PTPRA: variants seen among roughly 807,000 people sequenced by gnomAD.
The protein encoded by PTPRA is receptor-type tyrosine-protein phosphatase alpha.
A neutral mutation model predicts 104.8 loss-of-function variants in PTPRA; 25 were observed. The observed-to-expected ratio is 0.24, with a 90% CI of 0.17 to 0.33. The LOEUF is 0.33. Among genes scored for constraint, PTPRA ranks in the 10% least tolerant of loss-of-function variants. The pLI is 1.00. For missense variants in PTPRA, 765 were observed against 1,015.3 expected, an observed-to-expected ratio of 0.75 and a Z score of 3.35; for synonymous variants, 323 against 368.9, an observed-to-expected ratio of 0.88 and a Z score of 1.43.
At chr20:2,892,565 A>G (rs2146991568) in intron 1 of PTPRA, among the ~76,000 whole-genome samples, 1 of 152,318 alleles carries the variant, frequency 6.6e-6, no homozygotes, top group East Asian at 1.9e-4. Flanking sequence ...CCATGTGATC[A>G]GGAGGGTAAA....
At chr20:2,957,941 T>A (rs1218854846) in intron 3 of PTPRA, among the ~76,000 whole-genome samples, 1 of 151,610 alleles carries the variant, frequency 6.6e-6, no homozygotes, top group Admixed American at 6.6e-5. Context: ...CCCTTATGAG[T>A]TATTTGATTT....
intron 1 of PTPRA, among the ~76,000 whole-genome samples, chr20:2,918,337 T>C (rs1047534871): frequency 6.6e-6 from 1 of 152,170 alleles, no homozygotes; most frequent in Non-Finnish European, 1.5e-5. Flanking sequence ...TATAAAACTC[T>C]ATTTTTAAAT....
chr20:2,946,833 G>A (rs2061151324), intron 2 of PTPRA, among the ~76,000 whole-genome samples: 1 of 151,608 alleles, frequency 6.6e-6, no homozygotes, highest in Non-Finnish European at 1.5e-5. Flanking sequence ...GGGCAACAGA[G>A]CGAGACTCCT....
the PTPRA span, chr20:2,866,078 G>A: frequency 6.1e-5 from 46 of 756,244 alleles, no homozygotes; most frequent in East Asian, 1.2e-3. Context: ...GGGGGTTGGG[G>A]GATTATATGT....
intron 6 of PTPRA, among the ~76,000 whole-genome samples, chr20:2,978,579 G>C (rs915076535): frequency 6.6e-6 from 1 of 152,100 alleles, no homozygotes; most frequent in African/African-American, 2.4e-5. Flanking sequence ...ATGGCCCTTT[G>C]TTTTCAAGGA....
intron 1 of PTPRA, among the ~76,000 whole-genome samples, chr20:2,881,030 C>T (rs1389529620): frequency 1.3e-5 from 2 of 151,104 alleles, no homozygotes; most frequent in Non-Finnish European, 2.9e-5. Flanking sequence ...AGAGGAGGAC[C>T]GGGCATAGTG....
In PTPRA at chr20:2,947,113, A is replaced by T. The variant is rs537028654; in HGVS notation, c.-49-869A>T. Among the ~76,000 whole-genome samples, 86 of 152,112 alleles carry T rather than the reference A, an allele frequency of 5.7e-4. 1 individual carries two copies. The highest frequency in any genetic ancestry group is 3.1e-3 in the Admixed American group (48 of 15,250). ...ATAAGTGGTTCTCTGCTTTGAAGGA[A>T]CTTGGACTGTCATTACCTTGCAAAT... On this transcript the variant is annotated intron_variant, in intron 2 of 23. Coordinates refer to ENST00000399903, the MANE Select transcript of PTPRA (RefSeq NM_001385305.1).
upstream of PTPRA, among the ~76,000 whole-genome samples, chr20:2,872,830 G>A (rs1437488684): frequency 1.3e-5 from 2 of 152,322 alleles, no homozygotes; most frequent in African/African-American, 2.4e-5. This position sits in a 1 kb window ranked among gnomAD's most constrained non-coding sequence, Gnocchi z 7.9. Context: ...TATCGCAAAA[G>A]GCACCTCCAT....
intron 3 of PTPRA, among the ~76,000 whole-genome samples, chr20:2,952,184 A>C (rs1235738551): frequency 6.6e-6 from 1 of 151,908 alleles, no homozygotes; most frequent in South Asian, 2.1e-4. Flanking sequence ...TATATTTGCA[A>C]CAACAATGTC....
chr20:2,897,855 G>A (rs578058555), intron 1 of PTPRA, among the ~76,000 whole-genome samples: 1 of 151,252 alleles, frequency 6.6e-6, no homozygotes, highest in Non-Finnish European at 1.5e-5. Context: ...TTTGGCCAGT[G>A]GGAACCCTTT....
At chr20:2,944,709 G>A (rs560776003) in intron 2 of PTPRA, among the ~76,000 whole-genome samples, 45 of 152,296 alleles carry the variant, frequency 3.0e-4, no homozygotes, top group African/African-American at 6.3e-4. Context: ...GGGATTTTAC[G>A]TAGCCATCTT....
In PTPRA at chr20:3,027,290, T is replaced by A. The variant is rs893586575; in HGVS notation, c.1785+93T>A. 6 of 1,291,228 alleles carry A rather than the reference T, an allele frequency of 4.6e-6. No individual in the cohort carries two copies. In the Admixed American group the frequency reaches 1.0e-4, roughly 22 times the overall value. 80.0% of individuals were successfully genotyped at this position (1,291,228 alleles called of 1,614,324 possible). A position where few individuals can be genotyped will look rare whatever the true frequency, so the allele number is the denominator to read the frequency against. ...TCCCTCCCATACCTGCTGGGGAGGA[T>A]CATGTTTGAATCAGTCAACAAATAG... On this transcript the variant is annotated intron_variant, in intron 19 of 23. Coordinates refer to ENST00000399903, the MANE Select transcript of PTPRA (RefSeq NM_001385305.1).
Position 2,932,953 on chromosome 20 carries a change from A to T in PTPRA, c.-50+9668A>T, listed in dbSNP as rs897760149. 2.0e-5 allele frequency among the ~76,000 whole-genome samples: 3 copies of T among 152,200 alleles called. No homozygotes were observed. In the East Asian group the frequency reaches 5.8e-4, roughly 29 times the overall value. On this transcript the variant is annotated intron_variant, in intron 2 of 23. Coordinates refer to ENST00000399903, the MANE Select transcript of PTPRA (RefSeq NM_001385305.1). Reference sequence around the variant, plus strand: ...CTACTACCTGTTGGTTTTTATTTTAATCTTGGGAAAAAAAAGTAAAAGCTA... The same window carrying T: ...CTACTACCTGTTGGTTTTTATTTTATTCTTGGGAAAAAAAAGTAAAAGCTA...
intron 1 of PTPRA, among the ~76,000 whole-genome samples, chr20:2,883,432 C>T (rs1268180510): frequency 4.3e-5 from 1 of 23,116 alleles, no homozygotes; most frequent in Non-Finnish European, 6.1e-5. Context: ...GCGGGCGGAT[C>T]ACGAGGTCAG....
chr20:3,026,476 A>G (rs1274533494), intron 17 of PTPRA, among the ~76,000 whole-genome samples: 1 of 152,158 alleles, frequency 6.6e-6, no homozygotes, highest in Admixed American at 6.5e-5. Flanking sequence ...GAATCTCAAG[A>G]GAGTCCACAG....
At chr20:3,016,555 C>G (rs2064463356) in intron 12 of PTPRA, among the ~76,000 whole-genome samples, 1 of 152,204 alleles carries the variant, frequency 6.6e-6, no homozygotes, top group Non-Finnish European at 1.5e-5. Flanking sequence ...CAAGATCAGC[C>G]TGGGCAACAT....
rs199746906 is a variant in PTPRA, at chr20:3,037,207, G to A, written c.2252G>A (p.Arg751His). 14 of 1,614,240 alleles carry A rather than the reference G, an allele frequency of 8.7e-6. No individual in the cohort carries two copies. The highest frequency in any genetic ancestry group is 4.5e-5 in the East Asian group (2 of 44,880). The stretch of plus-strand genomic sequence containing the variant: ...TGTGCCCTGAGCACCGTCCTGGAGC[G>A]TGTGAAAGCAGAGGGGATTTTGGAT... ...TFCALSTVLERVKAEGILDVF... is the reference protein window; with the variant it reads ...TFCALSTVLEHVKAEGILDVF... Residue 751 changes from arginine (R) to histidine (H), a missense_variant, in exon 23 of 24, where the codon CGT becomes CAT. Arg to His is a conservative substitution (Grantham distance 29, BLOSUM62 0). This residue lies in a region of PTPRA where 72 missense variants were observed against 140.7 expected (regional missense o/e 0.51). Coordinates refer to ENST00000399903, the MANE Select transcript of PTPRA (RefSeq NM_001385305.1). This position sits in a 1 kb window ranked among gnomAD's most constrained non-coding sequence, Gnocchi z 4.3.
intron 12 of PTPRA, among the ~76,000 whole-genome samples, chr20:3,017,051 T>C (rs1366036994): frequency 6.6e-6 from 1 of 152,192 alleles, no homozygotes; most frequent in African/African-American, 2.4e-5. Flanking sequence ...ATAGTTTTTT[T>C]CCCCCTTCTT....
At chr20:3,021,064 T>G (rs1252865202) in intron 13 of PTPRA, among the ~76,000 whole-genome samples, 1 of 152,138 alleles carries the variant, frequency 6.6e-6, no homozygotes, top group African/African-American at 2.4e-5. Context: ...TGGGAAACAT[T>G]GAGAAGTATG....
Sources: allele counts gnomAD v4.1 joint callset (sites outside exome capture counted in the v4.1 genomes callset), GRCh38; gene constraint gnomAD v4.1.1; regional missense constraint gnomAD v4.1.1; non-coding constraint Gnocchi (gnomAD v3.1); transcripts MANE v1.5; gene names NCBI Gene and HGNC (gene_info 2026-07-23, HGNC 2026-07-21).